Variants in ZBTB20 observed in about 807,000 individuals in gnomAD.
ZBTB20 encodes the protein zinc finger and BTB domain containing 20.
A neutral mutation model predicts 56.9 loss-of-function variants in ZBTB20; 9 were observed. The ratio of observed to expected loss-of-function variants is 0.16; its 90% CI spans 0.10 to 0.28. The LOEUF (loss-of-function observed/expected upper bound fraction) is 0.28, where lower values mean the gene tolerates loss of function less well. Among genes scored for constraint, ZBTB20 ranks in the 10% least tolerant of loss-of-function variants. The pLI, the probability that ZBTB20 is intolerant of heterozygous loss-of-function variation, is 1.00. For synonymous variants in ZBTB20, 417 were observed against 420.7 expected, an observed-to-expected ratio of 0.99 and a Z score of 0.11; for missense variants, 655 against 1,003.0, an observed-to-expected ratio of 0.65 and a Z score of 4.69.
At chr3:114,782,110 T>C (rs2070149741) in intron 5 of ZBTB20, among the ~76,000 whole-genome samples, 1 of 152,236 alleles carries the variant, frequency 6.6e-6, no homozygotes, top group Non-Finnish European at 1.5e-5. Flanking sequence ...GTGGAGGTGC[T>C]GGCTCTTCAG....
intron 2 of ZBTB20, among the ~76,000 whole-genome samples, chr3:114,986,168 G>A (rs2078531657): frequency 6.6e-6 from 1 of 151,986 alleles, no homozygotes; most frequent in Non-Finnish European, 1.5e-5. Context: ...ATGTGTATGG[G>A]GGGGTTGGAA....
chr3:114,880,942 T>C (rs1437344703), intron 4 of ZBTB20, among the ~76,000 whole-genome samples: 1 of 152,116 alleles, frequency 6.6e-6, no homozygotes, highest in African/African-American at 2.4e-5. Flanking sequence ...CTTCTTTCTG[T>C]CTTTTTGTGT....
At chr3:114,592,333 T>C (rs1009467620) in intron 6 of ZBTB20, among the ~76,000 whole-genome samples, 1 of 152,188 alleles carries the variant, frequency 6.6e-6, no homozygotes, top group Non-Finnish European at 1.5e-5. Context: ...AAGAAGATAA[T>C]ATATTATCAA....
chr3:114,446,601 A>C (rs1044223191), intron 7 of ZBTB20, among the ~76,000 whole-genome samples: 1 of 152,192 alleles, frequency 6.6e-6, no homozygotes, highest in Admixed American at 6.5e-5. Flanking sequence ...AAATCAGTGA[A>C]GAATATTCAT....
In ZBTB20 at chr3:114,352,029, TA is replaced by T. The variant is rs954376076; in HGVS notation, c.200-152del. On this transcript the variant is annotated intron_variant, in intron 10 of 11. Coordinates refer to ENST00000675478, the MANE Select transcript of ZBTB20 (RefSeq NM_001348800.3). ...GTGGGGAGATGGACAGGCTGCGGCA[TA>T]CAAGCTGTAGGTACGATGACCTGAG... is the stretch of plus-strand genomic sequence containing the variant. 4.0e-6 allele frequency: 4 copies of T among 991,590 alleles called. No homozygotes were observed. The Admixed American group carries it at 1.1e-4, about 28-fold the overall frequency. 61.4% of individuals were successfully genotyped at this position (991,590 alleles called of 1,614,324 possible).
At chr3:114,703,742 C>A (rs2063537560) in intron 5 of ZBTB20, among the ~76,000 whole-genome samples, 2 of 152,118 alleles carry the variant, frequency 1.3e-5, no homozygotes, top group African/African-American at 4.8e-5. Context: ...TGCAAGTGTC[C>A]CCATGACAAT....
At chr3:114,818,454 G>A (rs6438223) in intron 4 of ZBTB20, among the ~76,000 whole-genome samples, 21,199 of 151,918 alleles carry the variant, frequency 0.14, 1,950 homozygotes, top group African/African-American at 0.26. Flanking sequence ...AAAGGGAAAG[G>A]GCTATGCATC....
Position 114,335,977 on chromosome 3 carries a change from GTC to G in ZBTB20, c.*3026_*3027del, listed in dbSNP as rs2079439904. On this transcript the variant is annotated 3_prime_UTR_variant, in exon 12 of 12. Coordinates refer to ENST00000675478, the MANE Select transcript of ZBTB20 (RefSeq NM_001348800.3). ...GGCAAATCAGCATTAAGGCAAATGG[GTC>G]TCTCTCAGATTTGAGAAACAGAAAG... is the stretch of plus-strand genomic sequence containing the variant. The G allele has an allele frequency of 6.6e-6, 1 of 152,098 alleles. No individual in the cohort carries two copies. Among genetic ancestry groups the G allele is most frequent in the Non-Finnish European group, 1.5e-5 (1 of 68,016 alleles). 9.4% of individuals were successfully genotyped at this position (152,098 alleles called of 1,614,324 possible). A position where few individuals can be genotyped will look rare whatever the true frequency, so the allele number is the denominator to read the frequency against.
intron 4 of ZBTB20, among the ~76,000 whole-genome samples, chr3:114,802,419 T>A (rs564012176): frequency 6.6e-6 from 1 of 151,890 alleles, no homozygotes; most frequent in African/African-American, 2.4e-5. Context: ...TTGATGTACA[T>A]AGATTTTAAG....
At chr3:114,683,628 T>G (rs577982461) in intron 6 of ZBTB20, among the ~76,000 whole-genome samples, 1 of 152,240 alleles carries the variant, frequency 6.6e-6, no homozygotes, top group Non-Finnish European at 1.5e-5. Context: ...AAATAGAGGC[T>G]AGAACATCTC....
chr3:114,582,572 G>T (rs1343004077), intron 6 of ZBTB20, among the ~76,000 whole-genome samples: 1 of 152,032 alleles, frequency 6.6e-6, no homozygotes, highest in Non-Finnish European at 1.5e-5. Context: ...TAGAGACAGG[G>T]TTCTGCCATG....
chr3:114,584,631 G>T (rs1411475049), intron 6 of ZBTB20, among the ~76,000 whole-genome samples: 1 of 152,132 alleles, frequency 6.6e-6, no homozygotes, highest in East Asian at 1.9e-4. Flanking sequence ...TTTGGGATGG[G>T]AGTAAAACAT....
intron 7 of ZBTB20, among the ~76,000 whole-genome samples, chr3:114,394,523 CCCT>C (rs1323952192): frequency 1.3e-5 from 2 of 152,300 alleles, no homozygotes; most frequent in Admixed American, 6.5e-5. Flanking sequence ...ATAGTCCCTT[CCCT>C]CCTCCTTTCT....
At chr3:114,933,415 C>T (rs2076425972) in intron 3 of ZBTB20, among the ~76,000 whole-genome samples, 1 of 152,208 alleles carries the variant, frequency 6.6e-6, no homozygotes, top group South Asian at 2.1e-4. Context: ...ATAGTGTAAT[C>T]CACCCACTTG....
chr3:114,980,750 A>C (rs1369401713), intron 2 of ZBTB20, among the ~76,000 whole-genome samples: 1 of 151,932 alleles, frequency 6.6e-6, no homozygotes, highest in African/African-American at 2.4e-5. Context: ...AGAATGAATA[A>C]ATTAAAAAAT....
At chr3:114,747,007 T>C (rs144177113) in intron 5 of ZBTB20, among the ~76,000 whole-genome samples, 63 of 152,334 alleles carry the variant, frequency 4.1e-4, no homozygotes, top group African/African-American at 1.5e-3. Flanking sequence ...GACATATACA[T>C]GTAAAATTTT....
intron 4 of ZBTB20, among the ~76,000 whole-genome samples, chr3:114,880,530 C>T (rs372394211): frequency 6.6e-6 from 1 of 152,026 alleles, no homozygotes; most frequent in African/African-American, 2.4e-5. Context: ...TGTATCAAAA[C>T]CCTTAAAATA....
Position 114,368,297 on chromosome 3 carries a change from G to A in ZBTB20, c.199+11920C>T, listed in dbSNP as rs9818902. On this transcript the variant is annotated intron_variant, in intron 10 of 11. Transcript: ENST00000675478. ...AAAGAGCAAATAAGTAGACCATGGGGGTGAGAAAATATTTTCTGAATATTG... is the reference window on the plus strand; with the variant it reads ...AAAGAGCAAATAAGTAGACCATGGGAGTGAGAAAATATTTTCTGAATATTG... Among the ~76,000 whole-genome samples, 349 of 152,258 alleles carry A rather than the reference G, an allele frequency of 2.3e-3. 2 individuals are homozygous for A. Among genetic ancestry groups the A allele is most frequent in the African/African-American group, 8.0e-3 (332 of 41,536 alleles).
chr3:114,370,724 G>C (rs1015665731), intron 10 of ZBTB20, among the ~76,000 whole-genome samples: 2 of 152,040 alleles, frequency 1.3e-5, no homozygotes, highest in Non-Finnish European at 2.9e-5. Context: ...CTAATCTCAC[G>C]CATTCCTGCT....
Sources: gnomAD v4.1 joint callset for allele counts (sites outside exome capture counted in the v4.1 genomes callset) on GRCh38, gnomAD v4.1.1 for gene constraint, MANE v1.5 for transcripts, NCBI Gene and HGNC (gene_info 2026-07-23, HGNC 2026-07-21) for gene names.